Variants in ZNF10 observed in about 807,000 individuals in gnomAD.
ZNF10 encodes the protein zinc finger protein 10, also known as zinc finger protein 10 (KOX 1).
A neutral mutation model predicts 12.2 loss-of-function variants in ZNF10; 8 were observed. That is an observed-to-expected ratio of 0.66 (90% CI 0.39 to 1.18). The LOEUF (loss-of-function observed/expected upper bound fraction) is 1.18. ZNF10 is among the 50% of genes most tolerant of loss of function. The pLI is 0.01. For synonymous variants in ZNF10, 229 were observed against 228.2 expected, an observed-to-expected ratio of 1.00 and a Z score of -0.03; for missense variants, 603 against 678.9, an observed-to-expected ratio of 0.89 and a Z score of 1.24.
intron 1 of ZNF10, among the ~76,000 whole-genome samples, chr12:133,141,329 A>T (rs1450894263): frequency 6.6e-6 from 1 of 152,224 alleles, no homozygotes; most frequent in Non-Finnish European, 1.5e-5. Flanking sequence ...CTGGCATCCA[A>T]TCAAATTCAC....
intron 4 of ZNF10, 108 bp downstream of exon 4, chr12:133,152,012 G>A (rs765783978): frequency 2.0e-5 from 16 of 784,118 alleles, no homozygotes; most frequent in Non-Finnish European, 2.9e-5. Flanking sequence ...CCTTCTTCCT[G>A]GGAAGACTGA....
intron 2 of ZNF10, 69 bp downstream of exon 2, chr12:133,144,594 C>G: frequency 4.8e-6 from 7 of 1,465,760 alleles, no homozygotes; most frequent in Non-Finnish European, 6.6e-6. Flanking sequence ...TGCCAAAGAT[C>G]TTCAGAAATT....
At chr12:133,155,066 G>A (rs1356174032) in intron 4 of ZNF10, among the ~76,000 whole-genome samples, 3 of 147,450 alleles carry the variant, frequency 2.0e-5, no homozygotes, top group Non-Finnish European at 4.5e-5. Context: ...CAACAAGAGC[G>A]AAACTGTCTC....
intron 2 of ZNF10, chr12:133,144,847 C>G: frequency 6.3e-6 from 3 of 475,122 alleles, no homozygotes; most frequent in Non-Finnish European, 8.3e-6. Context: ...TCATGCTGAC[C>G]AAAAAATTCA....
Position 133,157,438 on chromosome 12 carries a change from G to T in ZNF10, c.*470G>T, listed in dbSNP as rs1032237083. On this transcript the variant is annotated 3_prime_UTR_variant, in exon 5 of 5. Coordinates refer to ENST00000248211, the MANE Select transcript of ZNF10 (RefSeq NM_015394.5). ...CTTCTGGGACATTTAGTAGTGTTTG[G>T]TATGTTTTATGTGTCTGGTAGAAAC... The T allele has an allele frequency of 2.0e-5, 3 of 152,398 alleles. No homozygotes were observed. The highest frequency in any genetic ancestry group is 7.2e-5 in the African/African-American group (3 of 41,426). 9.4% of individuals were successfully genotyped at this position (152,398 alleles called of 1,614,324 possible). A position where few individuals can be genotyped will look rare whatever the true frequency, so the allele number is the denominator to read the frequency against.
At chr12:133,148,750 G>GTTTTTTTTTTTTTTTT (rs201972025) in intron 2 of ZNF10, among the ~76,000 whole-genome samples, 1 of 137,408 alleles carries the variant, frequency 7.3e-6, no homozygotes. Flanking sequence ...ATTCAATGTT[G>GTTTTTTTTTTTTTTTT]GTTTTTTTTT....
chr12:133,143,235 C>T (rs1415669967), intron 1 of ZNF10, among the ~76,000 whole-genome samples: 1 of 151,476 alleles, frequency 6.6e-6, no homozygotes, highest in African/African-American at 2.4e-5. Flanking sequence ...CTGTTTGGAG[C>T]GATGGAAAAG....
intron 1 of ZNF10, among the ~76,000 whole-genome samples, chr12:133,134,312 CAAAA>C (rs922562262): frequency 7.2e-6 from 1 of 138,434 alleles, no homozygotes. Context: ...GACTCCCTCT[CAAAA>C]AAAAAAAGTA....
chr12:133,145,465 T>C (rs542768221), intron 2 of ZNF10, among the ~76,000 whole-genome samples: 1 of 152,286 alleles, frequency 6.6e-6, no homozygotes, highest in South Asian at 2.1e-4. Flanking sequence ...ATTTTACAGC[T>C]AAGAGAACTG....
chr12:133,152,950 C>T (rs1956017408), intron 4 of ZNF10, among the ~76,000 whole-genome samples: 1 of 152,168 alleles, frequency 6.6e-6, no homozygotes. Flanking sequence ...CTCTTTTTTA[C>T]TTTTTAGTAT....
chr12:133,151,214 C>G (rs200802419), intron 3 of ZNF10, 60 bp downstream of exon 3: 2 of 1,531,780 alleles, frequency 1.3e-6, no homozygotes, highest in Admixed American at 3.6e-5. Context: ...GTACAGAGAC[C>G]CTGAAGCATG....
Position 133,155,793 on chromosome 12 carries a change from G to T in ZNF10, c.547G>T (p.Glu183Ter). The T allele has an allele frequency of 6.2e-7, 1 of 1,613,858 alleles. No individual in the cohort carries two copies. The highest frequency in any genetic ancestry group is 8.5e-7 in the Non-Finnish European group (1 of 1,179,922). Residue 183 changes from glutamate (E) to a stop codon, truncating the protein, a stop_gained, in exon 5 of 5, where the codon GAG (glutamate) becomes TAG (stop). Transcript: ENST00000248211. LOFTEE classifies it low-confidence loss of function (END_TRUNC). ...CLLPAQLVLR[E>*]YFHKRDSHTK... ...TCTTCCTGCTCAGCTAGTACTGAGA[G>T]AGTATTTCCATAAACGTGACTCACA...
chr12:133,131,316 A>C (rs1226149556), intron 1 of ZNF10, among the ~76,000 whole-genome samples: 1 of 151,924 alleles, frequency 6.6e-6, no homozygotes, highest in Non-Finnish European at 1.5e-5. Flanking sequence ...CTATATTTTT[A>C]TTTTCCCTTG....
At chr12:133,144,653 G>A in intron 2 of ZNF10, 128 bp downstream of exon 2, 1 of 927,512 alleles carries the variant, frequency 1.1e-6, no homozygotes, top group South Asian at 1.6e-5. Context: ...TTTGTTTCCA[G>A]GTGAGTTAGG....
rs562674380 is a variant in ZNF10 at position 133,159,338 on chromosome 12, A to G, written c.*2370A>G. 38 of 152,370 alleles carry G rather than the reference A, an allele frequency of 2.5e-4. No homozygotes were observed. The highest frequency in any genetic ancestry group is 8.4e-4 in the African/African-American group (35 of 41,592). 9.4% of individuals were successfully genotyped at this position (152,370 alleles called of 1,614,324 possible). A position where few individuals can be genotyped will look rare whatever the true frequency, so the allele number is the denominator to read the frequency against. ...AATGGAAGATTATGCAGGCATTAAA[A>G]TATGTACACAAAAAGTTTGGTAAAG... On this transcript the variant is annotated 3_prime_UTR_variant, in exon 5 of 5. Transcript: ENST00000248211.
chr12:133,154,484 T>C (rs1195876251), intron 4 of ZNF10, among the ~76,000 whole-genome samples: 3 of 152,246 alleles, frequency 2.0e-5, no homozygotes, highest in Admixed American at 2.0e-4. Context: ...TGCCAGAGAC[T>C]GTAATAGGCT....
Position 133,151,075 on chromosome 12 carries a change from G to A in ZNF10, c.81G>A (p.Glu27=). The A allele has an allele frequency of 6.2e-7, 1 of 1,613,790 alleles. No individual in the cohort carries two copies. The highest frequency in any genetic ancestry group is 8.5e-7 in the Non-Finnish European group (1 of 1,179,734). ...TATTTGTGGACTTCACCAGGGAGGA[G>A]TGGAAGCTGCTGGACACTGCTCAGC... ...KDVFVDFTRE[E]WKLLDTAQQI... Residue 27 remains glutamate (E), a synonymous_variant, in exon 3 of 5, where the codon GAG becomes GAA. Coordinates refer to ENST00000248211, the MANE Select transcript of ZNF10 (RefSeq NM_015394.5).
intron 1 of ZNF10, among the ~76,000 whole-genome samples, chr12:133,132,237 A>G (rs906633774): frequency 6.6e-6 from 1 of 152,038 alleles, no homozygotes; most frequent in African/African-American, 2.4e-5. Flanking sequence ...TTCTGTTTAT[A>G]GATTATATTC....
chr12:133,139,804 A>T (rs964230762), intron 1 of ZNF10, among the ~76,000 whole-genome samples: 1 of 152,136 alleles, frequency 6.6e-6, no homozygotes, highest in Non-Finnish European at 1.5e-5. Flanking sequence ...GCACTTTGAG[A>T]GGCCCAGCAC....
Sources: gnomAD v4.1 joint callset for allele counts (sites outside exome capture counted in the v4.1 genomes callset) on GRCh38, gnomAD v4.1.1 for gene constraint, MANE v1.5 for transcripts, NCBI Gene and HGNC (gene_info 2026-07-23, HGNC 2026-07-21) for gene names.